The following FBRS variants were observed in gnomAD, a reference collection of about 807,000 sequenced individuals.
FBRS encodes the protein probable fibrosin-1.
A neutral mutation model predicts 86.1 loss-of-function variants in FBRS; 15 were observed. The observed-to-expected ratio is 0.17, with a 90% confidence interval of 0.12 to 0.27. The LOEUF is 0.27. Ranked by LOEUF, FBRS falls within the 10% of genes least tolerant of loss-of-function variation. The probability of loss-of-function intolerance (pLI) is 1.00; values close to 1 mark genes in which losing one functional copy is unlikely to be tolerated. For missense variants in FBRS, 1,367 were observed against 1,301.6 expected (o/e 1.05, Z -0.77); for synonymous variants, 666 against 575.8 (o/e 1.16, Z -2.24).
At chr16:30,667,518 GA>G in intron 14 of FBRS, 23 bp from the exon 15 acceptor site, 1 of 1,522,300 alleles carries the variant, frequency 6.6e-7, no homozygotes, top group Non-Finnish European at 8.8e-7. Flanking sequence ...AGCCTCATCA[GA>G]ATCTCCCACC....
chr16:30,667,735 A>G, intron 15 of FBRS, 113 bp downstream of exon 15: 1 of 975,806 alleles, frequency 1.0e-6, no homozygotes, highest in East Asian at 2.8e-5. Flanking sequence ...CCACTTGCTT[A>G]GTGACCTTGG....
At position 30,662,515 on chromosome 16, in the gene FBRS, G is replaced by C. The variant is rs1291329973; in HGVS notation, c.755-44G>C. The C allele has an allele frequency of 7.1e-6, 11 of 1,550,320 alleles. No homozygotes were observed. The Admixed American group carries it at 2.2e-4, about 30-fold the overall frequency. ...TGGAGGCACGGGAGGGCAGTGGGGT[G>C]AGCATGAGCCTCAACTGAGCATGTC... On this transcript the variant is annotated intron_variant, in intron 5 of 17. Coordinates refer to ENST00000356166, the MANE Select transcript of FBRS (RefSeq NM_001105079.3).
At chr16:30,660,236 A>G (rs145091849) in intron 1 of FBRS, 27 bp from the exon 2 acceptor site, 473 of 1,335,564 alleles carry the variant, frequency 3.5e-4, no homozygotes, top group Admixed American at 4.3e-4. Flanking sequence ...TTTTCCATCT[A>G]TCTCAGCCCC....
At chr16:30,667,846 C>T in intron 15 of FBRS, 1 of 453,300 alleles carries the variant, frequency 2.2e-6, no homozygotes, top group Non-Finnish European at 3.9e-6. Context: ...GCCCTGTCTC[C>T]CAGTAGCCAG....
At position 30,665,605 on chromosome 16, in the gene FBRS, C is replaced by A; in HGVS notation, c.1705-33C>A. 6.4e-7 allele frequency: 1 copy of A among 1,561,886 alleles called. No homozygotes were observed. Among genetic ancestry groups the A allele is most frequent in the Non-Finnish European group, 8.7e-7 (1 of 1,152,668 alleles). On this transcript the variant is annotated intron_variant, in intron 10 of 17. Coordinates refer to ENST00000356166, the MANE Select transcript of FBRS (RefSeq NM_001105079.3). The surrounding 1 kb of genome is among the most constrained non-coding windows in gnomAD (Gnocchi z 4.1). The stretch of plus-strand genomic sequence containing the variant: ...GATCCCTTTGTGCTTGGTGCCAGCT[C>A]TCCTGTCTGATCCCTCCACTCCCCT...
chr16:30,666,905 T>G lies in FBRS; in HGVS notation c.1804-14T>G, dbSNP rs759818932. Reference sequence around the variant, plus strand: ...TCCTTCCCTTTCCCTTTGGTCATCCTTCTGGGGCGGCAGAAACCAGGGAAG... The same window carrying G: ...TCCTTCCCTTTCCCTTTGGTCATCCGTCTGGGGCGGCAGAAACCAGGGAAG... On this transcript the variant is annotated splice_polypyrimidine_tract_variant and intron_variant, in intron 12 of 17. Coordinates refer to ENST00000356166, the MANE Select transcript of FBRS (RefSeq NM_001105079.3). 1 of 1,610,602 alleles carries G rather than the reference T, an allele frequency of 6.2e-7. No homozygotes were observed. The highest frequency in any genetic ancestry group is 1.1e-5 in the South Asian group (1 of 90,180).
chr16:30,665,808 A>G lies in FBRS; in HGVS notation c.1773+102A>G, dbSNP rs1304243534. The G allele has an allele frequency of 5.1e-6, 6 of 1,177,404 alleles. No individual in the cohort carries two copies. The highest frequency in any genetic ancestry group is 7.3e-6 in the Non-Finnish European group (6 of 822,558). The allele number at this position is 1,177,404 out of a possible 1,614,324, so 72.9% of individuals were successfully genotyped here. On this transcript the variant is annotated intron_variant, in intron 11 of 17. Transcript: ENST00000356166. This position sits in a 1 kb window ranked among gnomAD's most constrained non-coding sequence, Gnocchi z 4.1. Reference sequence around the variant, plus strand: ...AACTGCTGATTCCTCCCTTGAATTCACAATCGGGTGTTCCTGGGTGTCTAA... The same window carrying G: ...AACTGCTGATTCCTCCCTTGAATTCGCAATCGGGTGTTCCTGGGTGTCTAA...
intron 4 of FBRS, among the ~76,000 whole-genome samples, chr16:30,661,746 A>G (rs1348187470): frequency 6.6e-6 from 1 of 152,210 alleles, no homozygotes; most frequent in East Asian, 1.9e-4. Flanking sequence ...GTAGGGACTC[A>G]GCCCATAAAG....
Position 30,659,480 on chromosome 16 carries a change from GC to G in FBRS, c.-35del. 1 of 276,470 alleles carries G rather than the reference GC, an allele frequency of 3.6e-6. No individual in the cohort carries two copies. The highest frequency in any genetic ancestry group is 6.3e-5 in the East Asian group (1 of 15,856). 17.1% of individuals were successfully genotyped at this position (276,470 alleles called of 1,614,324 possible). A position where few individuals can be genotyped will look rare whatever the true frequency, so the allele number is the denominator to read the frequency against. On this transcript the variant is annotated 5_prime_UTR_variant, in exon 1 of 18. Transcript: ENST00000356166. ...CGGGCCTGCGGACAGGCCGCTTCGG[GC>G]CCCGCCGCCTCCGGATGCGGCGCTG...
rs1158539807 is a variant in FBRS, at chr16:30,662,701, G to A, written c.897G>A (p.Pro299=). ...TGCCTTTCCCCCCAAAGGAACCACC[G>A]CCTCCACCGGTCCCTCGGCCTCCTG... ...LLVPFPPKEP[P]PPPVPRPPVS... is the part of the protein sequence containing the mutation. Residue 299 remains proline, a synonymous_variant, in exon 6 of 18, where the codon CCG becomes CCA. Transcript: ENST00000356166. 22 of 1,548,660 alleles carry A rather than the reference G, an allele frequency of 1.4e-5. No homozygotes were observed. The highest frequency in any genetic ancestry group is 6.0e-5 in the South Asian group (5 of 83,864).
In FBRS at chr16:30,669,254, G is replaced by C. The variant is rs547187114; in HGVS notation, c.2552G>C (p.Gly851Ala). 6.4e-7 allele frequency: 1 copy of C among 1,557,492 alleles called. No individual in the cohort carries two copies. The highest frequency in any genetic ancestry group is 1.4e-5 in the African/African-American group (1 of 73,268). ...AAAAAAAAAT[G>A]PQGLHLLFER... The stretch of plus-strand genomic sequence containing the variant: ...GCTGCCGCCGCCGCAGCAGCCACTG[G>C]GCCCCAGGGCCTTCACCTGCTGTTT... Residue 851 changes from glycine to alanine, a missense_variant, in exon 18 of 18, where the codon GGG (glycine) becomes GCG (alanine). By Grantham distance (60) the Gly-to-Ala change is moderately conservative. Coordinates refer to ENST00000356166, the MANE Select transcript of FBRS (RefSeq NM_001105079.3). This position sits in a 1 kb window ranked among gnomAD's most constrained non-coding sequence, Gnocchi z 5.9.
chr16:30,665,969 A>G lies in FBRS; in HGVS notation c.1773+263A>G. On this transcript the variant is annotated intron_variant, in intron 11 of 17. Coordinates refer to ENST00000356166, the MANE Select transcript of FBRS (RefSeq NM_001105079.3). The surrounding 1 kb of genome is among the most constrained non-coding windows in gnomAD (Gnocchi z 4.1). ...TCAAACTTTTTAATAAAGTTACAAA[A>G]CACTTTTTTTCCAAATGACATCATA... The G allele has an allele frequency of 2.0e-6, 1 of 496,046 alleles. No individual in the cohort carries two copies. Among genetic ancestry groups the G allele is most frequent in the South Asian group, 2.9e-5 (1 of 33,930 alleles). The allele number at this position is 496,046 out of a possible 1,614,324, so 30.7% of individuals were successfully genotyped here. A position where few individuals can be genotyped will look rare whatever the true frequency, so the allele number is the denominator to read the frequency against.
chr16:30,661,942 G>A (rs1408659310), intron 4 of FBRS: 4 of 175,756 alleles, frequency 2.3e-5, no homozygotes, highest in South Asian at 1.2e-4. Flanking sequence ...GTCAATTTCC[G>A]TCATCCATCT....
chr16:30,668,453 A>T, intron 15 of FBRS, 107 bp from the exon 16 acceptor site: 1 of 928,990 alleles, frequency 1.1e-6, no homozygotes, highest in Non-Finnish European at 1.7e-6. Context: ...TGCTGAAAGC[A>T]GGCAGCTGAG....
intron 4 of FBRS, 149 bp downstream of exon 4, chr16:30,661,482 G>C (rs899255445): frequency 5.5e-6 from 8 of 1,452,874 alleles, no homozygotes; most frequent in Non-Finnish European, 7.4e-6. Context: ...GAGGAACGGG[G>C]GTGGATTGGG....
At position 30,670,249 on chromosome 16, in the gene FBRS, C is replaced by A; in HGVS notation, c.*604C>A. On this transcript the variant is annotated 3_prime_UTR_variant, in exon 18 of 18. Coordinates refer to ENST00000356166, the MANE Select transcript of FBRS (RefSeq NM_001105079.3). ...GAAAGGGGACTGCAGGGGGAAGAGC[C>A]GGGAAGGGACAGTCAGGCTTCTCCC... The A allele has an allele frequency of 2.2e-6, 1 of 456,096 alleles. No individual in the cohort carries two copies. The highest frequency in any genetic ancestry group is 1.6e-5 in the South Asian group (1 of 64,472). The allele number at this position is 456,096 out of a possible 1,614,324, so 28.3% of individuals were successfully genotyped here. A position where few individuals can be genotyped will look rare whatever the true frequency, so the allele number is the denominator to read the frequency against.
chr16:30,666,679 G>A (rs1596618376), intron 12 of FBRS, 138 bp downstream of exon 12: 4 of 1,436,016 alleles, frequency 2.8e-6, no homozygotes, highest in African/African-American at 1.4e-5. Flanking sequence ...AGAGAGTGAG[G>A]GCTTTCAAGT....
At position 30,665,089 on chromosome 16, in the gene FBRS, T is replaced by TGTGTGC. The variant is rs2052507117; in HGVS notation, c.1608+19_1608+24dup. The stretch of plus-strand genomic sequence containing the variant: ...CCTTTTCCGACATAATGTGAGTGTG[T>TGTGTGC]GTGTGCGTGTGCGTATGGGGTGTGT... On this transcript the variant is annotated intron_variant, in intron 9 of 17. Transcript: ENST00000356166. This position sits in a 1 kb window ranked among gnomAD's most constrained non-coding sequence, Gnocchi z 4.1. 1.7e-5 allele frequency: 28 copies of TGTGTGC among 1,612,374 alleles called. No individual in the cohort carries two copies. Among genetic ancestry groups the TGTGTGC allele is most frequent in the Admixed American group, 3.3e-5 (2 of 59,994 alleles).
chr16:30,661,475 G>C, intron 4 of FBRS, 142 bp downstream of exon 4: 1 of 1,473,344 alleles, frequency 6.8e-7, no homozygotes, highest in Non-Finnish European at 9.2e-7. Context: ...TTTTTGGGAG[G>C]AACGGGGGTG....
Sources: allele counts gnomAD v4.1 joint callset (sites outside exome capture counted in the v4.1 genomes callset), GRCh38; gene constraint gnomAD v4.1.1; non-coding constraint Gnocchi (gnomAD v3.1); transcripts MANE v1.5; gene names NCBI Gene and HGNC (gene_info 2026-07-23, HGNC 2026-07-21).